NEDD4: variants seen among roughly 807,000 people sequenced by gnomAD.
NEDD4 encodes E3 ubiquitin-protein ligase NEDD4.
Under a neutral mutation model 144.9 loss-of-function variants are expected in NEDD4, and 99 were observed. That is an observed-to-expected ratio of 0.68 (90% confidence interval 0.58 to 0.81). The LOEUF is 0.81. Among genes scored for constraint, NEDD4 ranks in the 30% least tolerant of loss-of-function variants. The probability of loss-of-function intolerance (pLI) is 0.00; values close to 1 mark genes in which losing one functional copy is unlikely to be tolerated. For synonymous variants in NEDD4, 318 were observed against 350.6 expected (o/e 0.91, Z 1.04); for missense variants, 985 against 1,065.9 (o/e 0.92, Z 1.06).
In NEDD4 at chr15:55,874,122, C is replaced by T; in HGVS notation, c.292-114G>A. ...ATGTAGAGTTTTTTTTTTATTCAGT[C>T]ATATGCAGCATCAATGGAAAATAAA... is the stretch of plus-strand genomic sequence containing the variant. On this transcript the variant is annotated intron_variant, in intron 5 of 28. Transcript: ENST00000435532. 5.8e-6 allele frequency: 3 copies of T among 515,356 alleles called. No individual in the cohort carries two copies. The Admixed American group carries it at 1.0e-4, about 17-fold the overall frequency. The allele number at this position is 515,356 out of a possible 1,614,324, so 31.9% of individuals were successfully genotyped here.
At chr15:55,842,762 C>T (rs186387286) in intron 18 of NEDD4, among the ~76,000 whole-genome samples, 17 of 152,252 alleles carry the variant, frequency 1.1e-4, no homozygotes, top group South Asian at 2.1e-4. Context: ...CAATGAACAC[C>T]GTTCTGTGAC....
chr15:55,963,695 G>A (rs928096074), intron 2 of NEDD4, among the ~76,000 whole-genome samples: 3 of 152,124 alleles, frequency 2.0e-5, no homozygotes, highest in East Asian at 1.9e-4. Context: ...AACATGTTTT[G>A]TATATTCCCA....
chr15:55,932,549 C>T (rs1166350088), intron 4 of NEDD4, among the ~76,000 whole-genome samples: 1 of 152,162 alleles, frequency 6.6e-6, no homozygotes, highest in African/African-American at 2.4e-5. Flanking sequence ...AATGTTAGAG[C>T]TAAAACCATA....
intron 5 of NEDD4, among the ~76,000 whole-genome samples, chr15:55,923,463 T>C (rs1396704161): frequency 6.6e-6 from 1 of 151,748 alleles, no homozygotes; most frequent in East Asian, 1.9e-4. Context: ...CTGGCCAACA[T>C]GGTGAAACCC....
At chr15:55,915,687 T>G (rs1306760825) in intron 5 of NEDD4, 1 of 1,613,890 alleles carries the variant, frequency 6.2e-7, no homozygotes. Context: ...TGCTTTTCGT[T>G]GGGTGAAATG....
At chr15:55,937,697 C>CCTG (rs1319884426) in intron 4 of NEDD4, among the ~76,000 whole-genome samples, 1 of 152,292 alleles carries the variant, frequency 6.6e-6, no homozygotes, top group East Asian at 1.9e-4. Flanking sequence ...GGAAAGACAT[C>CCTG]CTGTGTTCAT....
intron 5 of NEDD4, among the ~76,000 whole-genome samples, chr15:55,924,125 T>A (rs1344031953): frequency 6.6e-6 from 1 of 152,188 alleles, no homozygotes; most frequent in African/African-American, 2.4e-5. Flanking sequence ...GCTTTTTGCT[T>A]CTGTAAGAGC....
intron 4 of NEDD4, among the ~76,000 whole-genome samples, chr15:55,942,245 T>G (rs371928017): frequency 6.6e-6 from 1 of 152,208 alleles, no homozygotes; most frequent in South Asian, 2.1e-4. Flanking sequence ...TGAAATGCCC[T>G]CTTTATCTCT....
chr15:55,957,474 A>G (rs193247437), intron 2 of NEDD4, among the ~76,000 whole-genome samples: 72 of 152,248 alleles, frequency 4.7e-4, no homozygotes, highest in African/African-American at 1.7e-3. Flanking sequence ...ATCTATTCCT[A>G]GTTTGCAGAG....
chr15:55,867,827 G>A (rs999908395), intron 8 of NEDD4, among the ~76,000 whole-genome samples: 17 of 152,332 alleles, frequency 1.1e-4, no homozygotes, highest in African/African-American at 3.8e-4. Context: ...AAGCCGAGGC[G>A]GATGGACGGC....
chr15:55,855,013 G>A (rs1432114845), intron 12 of NEDD4, among the ~76,000 whole-genome samples: 1 of 152,182 alleles, frequency 6.6e-6, no homozygotes, highest in Non-Finnish European at 1.5e-5. Flanking sequence ...TGATCTAATG[G>A]AGGAGGCTGG....
intron 5 of NEDD4, among the ~76,000 whole-genome samples, chr15:55,909,498 C>T (rs1382573026): frequency 6.6e-6 from 1 of 152,214 alleles, no homozygotes; most frequent in Admixed American, 6.5e-5. Flanking sequence ...GACGTGTGAG[C>T]AATACTTTGG....
At chr15:55,980,605 T>G (rs959207790) in intron 1 of NEDD4, among the ~76,000 whole-genome samples, 3 of 151,942 alleles carry the variant, frequency 2.0e-5, no homozygotes, top group Non-Finnish European at 2.9e-5. Context: ...AAAGAAACAG[T>G]AGATTCAACA....
chr15:55,833,941 G>C, intron 26 of NEDD4, 97 bp downstream of exon 26: 1 of 882,286 alleles, frequency 1.1e-6, no homozygotes, highest in South Asian at 1.6e-5. Flanking sequence ...TTCTGTATCA[G>C]TTAAATGTAA....
chr15:55,867,573 T>C (rs1214972712), intron 8 of NEDD4, among the ~76,000 whole-genome samples: 1 of 152,212 alleles, frequency 6.6e-6, no homozygotes, highest in Non-Finnish European at 1.5e-5. Flanking sequence ...AGAATTCCAT[T>C]ATTCGAGATA....
chr15:55,988,810 A>G (rs1212968989), intron 1 of NEDD4, among the ~76,000 whole-genome samples: 2 of 152,200 alleles, frequency 1.3e-5, no homozygotes, highest in Non-Finnish European at 2.9e-5. Context: ...TGGTTCAGAA[A>G]AAGATTAATG....
chr15:55,845,788 T>C (rs1433341546), intron 18 of NEDD4, among the ~76,000 whole-genome samples: 2 of 85,514 alleles, frequency 2.3e-5, no homozygotes, highest in African/African-American at 7.4e-5. Context: ...TTATTCTTTT[T>C]TTCTTTTTTC....
Position 55,956,849 on chromosome 15 carries a change from A to G in NEDD4, c.120-5260T>C, listed in dbSNP as rs533017697. Among the ~76,000 whole-genome samples, 6 of 152,300 alleles carry G rather than the reference A, an allele frequency of 3.9e-5. 1 individual carries two copies. The South Asian group carries it at 1.2e-3, about 32-fold the overall frequency. On this transcript the variant is annotated intron_variant, in intron 2 of 28. Coordinates refer to ENST00000435532, the MANE Select transcript of NEDD4 (RefSeq NM_006154.4). ...TCAATTTCTCTGAAAAAACTTGCTG[A>G]GATTTTTATTGGGATTGTGCCAAAT...
intron 1 of NEDD4, among the ~76,000 whole-genome samples, chr15:55,980,132 A>T (rs1194247042): frequency 2.0e-5 from 3 of 152,052 alleles, no homozygotes; most frequent in Non-Finnish European, 4.4e-5. Context: ...TAGCTTTGCC[A>T]CGTTGGCCAG....
Sources: gnomAD v4.1 joint callset for allele counts (sites outside exome capture counted in the v4.1 genomes callset) on GRCh38, gnomAD v4.1.1 for gene constraint, MANE v1.5 for transcripts, NCBI Gene and HGNC (gene_info 2026-07-23, HGNC 2026-07-21) for gene names.